Variants in BAZ2B observed in about 807,000 individuals in gnomAD.
The protein encoded by BAZ2B is bromodomain adjacent to zinc finger domain 2B.
BAZ2B carries 91 observed loss-of-function variants against 246.0 expected under a neutral mutation model. That is an observed-to-expected ratio of 0.37 (90% CI 0.31 to 0.44). BAZ2B has a LOEUF of 0.44. BAZ2B is among the 20% of genes least tolerant of loss of function. The pLI is 1.00. For synonymous variants in BAZ2B, 855 were observed against 860.0 expected (o/e 0.99, Z 0.10); for missense variants, 2,332 against 2,533.7 (o/e 0.92, Z 1.71).
intron 34 of BAZ2B, among the ~76,000 whole-genome samples, chr2:159,332,320 C>G (rs950801628): frequency 2.1e-5 from 2 of 95,786 alleles, no homozygotes; most frequent in Non-Finnish European, 4.7e-5. Context: ...GACCCTATCT[C>G]TCTCTCAAAA....
chr2:159,453,054 T>C (rs2075295576), intron 4 of BAZ2B, among the ~76,000 whole-genome samples: 1 of 152,134 alleles, frequency 6.6e-6, no homozygotes, highest in Admixed American at 6.5e-5. Context: ...GAGCTGAGAC[T>C]GCACCACTGC....
At chr2:159,372,918 G>A in intron 27 of BAZ2B, 127 bp downstream of exon 27, 1 of 1,114,378 alleles carries the variant, frequency 9.0e-7, no homozygotes, top group Non-Finnish European at 1.2e-6. Flanking sequence ...CAAAAGGAAT[G>A]AGAATTAAGG....
At chr2:159,547,193 T>C (rs1457257758) in intron 2 of BAZ2B, among the ~76,000 whole-genome samples, 2 of 152,190 alleles carry the variant, frequency 1.3e-5, no homozygotes, top group South Asian at 2.1e-4. Flanking sequence ...CAGCATACTT[T>C]GCATGTTGTA....
At chr2:159,444,113 GGCATCAGAGAAACTGGCAGTA>G in intron 6 of BAZ2B, 1 of 152,070 alleles carries the variant, frequency 6.6e-6, no homozygotes, top group Admixed American at 6.6e-5. Context: ...GTCAGTGTCT[GGCATCAGAGAAACTGGCAGTA>G]GCTCAGAGAT....
chr2:159,480,247 T>C (rs929262505), intron 2 of BAZ2B, among the ~76,000 whole-genome samples: 1 of 152,004 alleles, frequency 6.6e-6, no homozygotes, highest in African/African-American at 2.4e-5. Flanking sequence ...AAATATACTA[T>C]GTAAAAAAAA....
chr2:159,623,155 G>A, the BAZ2B span, among the ~76,000 whole-genome samples: 96 of 151,230 alleles, frequency 6.3e-4, 1 homozygote, highest in Non-Finnish European at 6.5e-4. Context: ...AGGAAAGAAG[G>A]AGGGAGGAGG....
chr2:159,464,595 A>C (rs2076816248), intron 3 of BAZ2B: 1 of 152,200 alleles, frequency 6.6e-6, no homozygotes, highest in Non-Finnish European at 1.5e-5. Flanking sequence ...TTTTTATTAG[A>C]AAACAAGTCA....
At chr2:159,526,409 C>T (rs534556746) in intron 2 of BAZ2B, among the ~76,000 whole-genome samples, 54 of 151,808 alleles carry the variant, frequency 3.6e-4, no homozygotes, top group African/African-American at 7.5e-4. Flanking sequence ...GTCATGTATA[C>T]GAATGTAAAT....
chr2:159,380,497 T>C (rs1187121598), intron 25 of BAZ2B, among the ~76,000 whole-genome samples: 2 of 152,330 alleles, frequency 1.3e-5, no homozygotes, highest in Non-Finnish European at 2.9e-5. Context: ...ACTGTTATTA[T>C]TACATGTGTA....
intron 1 of BAZ2B, among the ~76,000 whole-genome samples, chr2:159,594,919 C>T (rs1044083582): frequency 6.7e-5 from 10 of 150,184 alleles, no homozygotes; most frequent in Non-Finnish European, 1.2e-4. Context: ...AGGCCCAAGC[C>T]ACCGGGCATG....
chr2:159,449,267 C>T (rs1559464006), intron 4 of BAZ2B, among the ~76,000 whole-genome samples: 1 of 152,064 alleles, frequency 6.6e-6, no homozygotes. Context: ...ATTGACCCAT[C>T]TAAAATCTCA....
intron 23 of BAZ2B, among the ~76,000 whole-genome samples, chr2:159,384,238 G>A (rs932093814): frequency 6.6e-6 from 1 of 151,938 alleles, no homozygotes; most frequent in Non-Finnish European, 1.5e-5. Flanking sequence ...GAATTTGGGT[G>A]TATGTGTTTT....
Position 159,471,038 on chromosome 2 carries a change from TAAG to T in BAZ2B, c.145+7534_145+7536del, listed in dbSNP as rs1307151318. On this transcript the variant is annotated intron_variant, in intron 3 of 36. Coordinates refer to ENST00000392783, the MANE Select transcript of BAZ2B (RefSeq NM_013450.4). Reference sequence around the variant, plus strand: ...AGGAATCTGGGGGAAAAAAAAAACTTAAGAAGGAGTTGTATAAAAAAATTTAGA... The same window carrying T: ...AGGAATCTGGGGGAAAAAAAAAACTTAAGGAGTTGTATAAAAAAATTTAGA... Among the ~76,000 whole-genome samples the T allele has an allele frequency of 4.0e-5, 6 of 151,634 alleles. 1 individual carries two copies. The highest frequency in any genetic ancestry group is 7.3e-5 in the African/African-American group (3 of 41,332).
Position 159,478,573 on chromosome 2 carries a change from A to C in BAZ2B, c.145+2T>G. The C allele has an allele frequency of 6.3e-7, 1 of 1,594,880 alleles. No homozygotes were observed. Among genetic ancestry groups the C allele is most frequent in the Non-Finnish European group, 8.5e-7 (1 of 1,173,046 alleles). On this transcript the variant is annotated splice_donor_variant, in intron 3 of 36. Transcript: ENST00000392783. LOFTEE classifies it high-confidence loss of function. ...AAAATTGAGTTAAAAAAGGGTATTC[A>C]CCACATGGGTTGATTGTAGAGCTAA...
At chr2:159,502,334 A>T (rs981971698) in intron 2 of BAZ2B, among the ~76,000 whole-genome samples, 27 of 35,120 alleles carry the variant, frequency 7.7e-4, no homozygotes, top group African/African-American at 1.8e-3. Context: ...AAAGCTGTTA[A>T]AAAAAAAAAG....
chr2:159,478,080 A>G (rs1177952634), intron 3 of BAZ2B, among the ~76,000 whole-genome samples: 2 of 152,196 alleles, frequency 1.3e-5, no homozygotes, highest in Admixed American at 1.3e-4. Context: ...CTGGGATTAC[A>G]GGGTGAGCCA....
At chr2:159,519,420 C>T (rs541054834) in intron 2 of BAZ2B, among the ~76,000 whole-genome samples, 185 of 146,540 alleles carry the variant, frequency 1.3e-3, no homozygotes, top group Admixed American at 1.8e-3. Flanking sequence ...TTAGTAGAGA[C>T]GGGGTTTCAC....
the BAZ2B span, among the ~76,000 whole-genome samples, chr2:159,681,257 G>C: frequency 6.6e-6 from 1 of 151,836 alleles, no homozygotes; most frequent in African/African-American, 2.4e-5. Flanking sequence ...CAGAACACTA[G>C]TTTACTATAA....
In BAZ2B at chr2:159,325,224, G is replaced by A. The variant is rs532029950; in HGVS notation, c.6210-270C>T. ...CGGCTCACTACAACCCCTGCCTCCC[G>A]GGTTCAAGTGATTCTCCTGCCTCAG... On this transcript the variant is annotated intron_variant, in intron 35 of 36. Coordinates refer to ENST00000392783, the MANE Select transcript of BAZ2B (RefSeq NM_013450.4). Among the ~76,000 whole-genome samples the A allele has an allele frequency of 1.4e-3, 195 of 142,830 alleles. No homozygotes were observed. In the South Asian group the frequency reaches 0.023, roughly 17 times the overall value. 93.7% of individuals were successfully genotyped at this position (142,830 alleles called of 152,430 possible).
Sources: gnomAD v4.1 joint callset for allele counts (sites outside exome capture counted in the v4.1 genomes callset) on GRCh38, gnomAD v4.1.1 for gene constraint, MANE v1.5 for transcripts, NCBI Gene and HGNC (gene_info 2026-07-23, HGNC 2026-07-21) for gene names.